Variants in LYZL1 observed in about 807,000 individuals in gnomAD.
LYZL1 encodes the protein lysozyme like 1.
In LYZL1, 16 loss-of-function variants were observed where a neutral mutation model predicts 17.9. The ratio of observed to expected loss-of-function variants is 0.90; its 90% CI spans 0.61 to 1.36. The LOEUF (loss-of-function observed/expected upper bound fraction) is 1.36, where lower values mean the gene tolerates loss of function less well. LYZL1 is among the 40% of genes most tolerant of loss of function. The pLI is 0.00. For missense variants in LYZL1, 149 were observed against 188.4 expected, an observed-to-expected ratio of 0.79 and a Z score of 1.22; for synonymous variants, 58 against 71.8, an observed-to-expected ratio of 0.81 and a Z score of 0.97.
At chr10:29,307,798 A>T (rs1416194715) in intron 3 of LYZL1, among the ~76,000 whole-genome samples, 1 of 152,232 alleles carries the variant, frequency 6.6e-6, no homozygotes, top group East Asian at 1.9e-4. Context: ...TTTGTAAAGA[A>T]ATATTTGTCT....
intron 2 of LYZL1, among the ~76,000 whole-genome samples, 191 bp from the exon 3 acceptor site, chr10:29,292,328 G>T (rs1398613300): frequency 6.6e-6 from 1 of 151,934 alleles, no homozygotes; most frequent in East Asian, 1.9e-4. Context: ...TGGGTGTACA[G>T]CTTCAGGTGT....
At chr10:29,317,508 C>T (rs894578775) in intron 4 of LYZL1, 3 of 152,180 alleles carry the variant, frequency 2.0e-5, no homozygotes, top group Non-Finnish European at 2.9e-5. Context: ...CATGCCATTA[C>T]CTTAGCTCCA....
intron 3 of LYZL1, among the ~76,000 whole-genome samples, chr10:29,308,878 T>A (rs1835632842): frequency 6.6e-6 from 1 of 152,028 alleles, no homozygotes; most frequent in Non-Finnish European, 1.5e-5. Context: ...GGTGGGAGGA[T>A]CACTTAAGCC....
intron 4 of LYZL1, 146 bp from the exon 5 acceptor site, chr10:29,310,844 G>A: frequency 8.3e-7 from 1 of 1,201,480 alleles, no homozygotes; most frequent in Admixed American, 2.2e-5. Context: ...CTAGGCAAAA[G>A]GACAGCATCC....
At chr10:29,290,074 C>A (rs1462011276) in intron 1 of LYZL1, among the ~76,000 whole-genome samples, 1 of 152,130 alleles carries the variant, frequency 6.6e-6, no homozygotes, top group Non-Finnish European at 1.5e-5. Flanking sequence ...GGTGCGGTGG[C>A]CTTGCTGATG....
chr10:29,315,638 A>C (rs1362484008), downstream of LYZL1, among the ~76,000 whole-genome samples: 1 of 152,046 alleles, frequency 6.6e-6, no homozygotes, highest in African/African-American at 2.4e-5. Context: ...CCTTGAGCCC[A>C]GGAGTTTGAG....
At chr10:29,297,049 G>C (rs1305359199) in intron 3 of LYZL1, among the ~76,000 whole-genome samples, 1 of 148,954 alleles carries the variant, frequency 6.7e-6, no homozygotes, top group East Asian at 2.0e-4. Context: ...GATAAGAGAG[G>C]ATGCTTGGAT....
intron 3 of LYZL1, among the ~76,000 whole-genome samples, chr10:29,293,011 CA>C (rs1835395059): frequency 6.6e-6 from 1 of 152,180 alleles, no homozygotes; most frequent in South Asian, 2.1e-4. Context: ...TTTCCATAAG[CA>C]ATTCGCTCAG....
chr10:29,297,081 T>C (rs1835455465), intron 3 of LYZL1, among the ~76,000 whole-genome samples: 1 of 133,992 alleles, frequency 7.5e-6, no homozygotes, highest in Non-Finnish European at 1.7e-5. Context: ...AGATGCTTTT[T>C]TTGAAAAAAA....
At chr10:29,299,743 T>A (rs1835492824) in intron 3 of LYZL1, among the ~76,000 whole-genome samples, 2 of 152,238 alleles carry the variant, frequency 1.3e-5, no homozygotes, top group South Asian at 4.1e-4. Flanking sequence ...CAGCCCACTC[T>A]CACTTTCTTT....
intron 3 of LYZL1, among the ~76,000 whole-genome samples, chr10:29,307,308 C>T (rs1277860716): frequency 6.6e-6 from 1 of 152,328 alleles, no homozygotes; most frequent in African/African-American, 2.4e-5. Flanking sequence ...GCTCTACTTT[C>T]TGCTTTTATG....
At chr10:29,291,269 A>G (rs2132812427) in intron 1 of LYZL1, among the ~76,000 whole-genome samples, 1 of 152,362 alleles carries the variant, frequency 6.6e-6, no homozygotes. Flanking sequence ...AATGTTATTC[A>G]GAAAAGAATA....
intron 3 of LYZL1, among the ~76,000 whole-genome samples, chr10:29,293,555 AT>A (rs778771777): frequency 1.3e-5 from 2 of 152,244 alleles, no homozygotes; most frequent in Non-Finnish European, 2.9e-5. Context: ...TCAGGCATGA[AT>A]TCTGCTTTAC....
chr10:29,293,896 C>T (rs1448934579), intron 3 of LYZL1, among the ~76,000 whole-genome samples: 3 of 151,838 alleles, frequency 2.0e-5, no homozygotes, highest in Non-Finnish European at 2.9e-5. Context: ...ATTGCTTGAA[C>T]CCGGGAGGTG....
intron 4 of LYZL1, 38 bp from the exon 5 acceptor site, chr10:29,310,952 G>T (rs190906740): frequency 1.2e-6 from 2 of 1,614,088 alleles, no homozygotes; most frequent in Non-Finnish European, 8.5e-7. Flanking sequence ...GGATTGTCAC[G>T]CTTCTTTCTG....
chr10:29,306,832 A>C (rs902432689), intron 3 of LYZL1, among the ~76,000 whole-genome samples: 1 of 103,782 alleles, frequency 9.6e-6, no homozygotes. Context: ...GTGTGTGTGA[A>C]AGAGATTGAG....
rs201341230 is a variant in LYZL1 at position 29,311,008 on chromosome 10, T to C, written c.396T>C (p.His132=). 1.9e-3 allele frequency: 3,097 copies of C among 1,614,080 alleles called. 76 individuals carry two copies. In the South Asian group the frequency reaches 0.031, roughly 16 times the overall value. Residue 132 remains histidine, a synonymous_variant, in exon 5 of 5, where the codon CAT becomes CAC. Transcript: ENST00000649382. ...GMNYWQGWKK[H]CEGRDLSEWK... Reference sequence around the variant, plus strand: ...TCCTCAGGCAAGGCTGGAAGAAACATTGTGAGGGCAGAGACCTGTCCGAGT... The same window carrying C: ...TCCTCAGGCAAGGCTGGAAGAAACACTGTGAGGGCAGAGACCTGTCCGAGT...
In LYZL1 at chr10:29,292,590, G is replaced by A. The variant is rs373184534; in HGVS notation, c.211G>A (p.Asp71Asn). ...GACGGTCCTGGATGACGGCAGCATC[G>A]ACTATGGCATCTTCCAGATCAACAG... ...AQTVLDDGSI[D>N]YGIFQINSFA... Residue 71 changes from aspartate (D) to asparagine (N), a missense_variant, in exon 3 of 5, where the codon GAC (aspartate) becomes AAC (asparagine). Physicochemically the swap from Asp to Asn is conservative, Grantham distance 23. Around this residue, in one of 2 missense-constraint regions of LYZL1, gnomAD observed 130 missense variants for 132.5 expected, o/e 0.98. Coordinates refer to ENST00000649382, the MANE Select transcript of LYZL1 (RefSeq NM_032517.6). 2.0e-5 allele frequency: 33 copies of A among 1,614,236 alleles called. No homozygotes were observed. The highest frequency in any genetic ancestry group is 6.7e-5 in the East Asian group (3 of 44,886).
At chr10:29,312,943 A>G (rs749982759), downstream of LYZL1, among the ~76,000 whole-genome samples, 9 of 152,220 alleles carry the variant, frequency 5.9e-5, no homozygotes, top group Non-Finnish European at 8.8e-5. Context: ...TTTCCCACTT[A>G]GAAGAAAGTC....
Sources: gnomAD v4.1 joint callset for allele counts (sites outside exome capture counted in the v4.1 genomes callset) on GRCh38, gnomAD v4.1.1 for gene constraint, gnomAD v4.1.1 regional missense constraint, MANE v1.5 for transcripts, NCBI Gene and HGNC (gene_info 2026-07-23, HGNC 2026-07-21) for gene names.